The following CCNY variants were observed in gnomAD, a reference collection of about 807,000 sequenced individuals.
CCNY encodes the protein cyclin Y, also known as cyclin-Y.
CCNY carries 19 observed loss-of-function variants against 42.8 expected under a neutral mutation model. The ratio of observed to expected loss-of-function variants is 0.44; its 90% CI spans 0.31 to 0.65. CCNY has a LOEUF of 0.65. Among genes scored for constraint, CCNY ranks in the 30% least tolerant of loss-of-function variants. The pLI is 0.07. For missense variants in CCNY, 370 were observed against 437.3 expected, an observed-to-expected ratio of 0.85 and a Z score of 1.37; for synonymous variants, 165 against 162.7, an observed-to-expected ratio of 1.01 and a Z score of -0.11.
chr10:35,491,038 G>T (rs1344689978), intron 2 of CCNY, among the ~76,000 whole-genome samples: 5 of 152,172 alleles, frequency 3.3e-5, no homozygotes, highest in Non-Finnish European at 5.9e-5. Context: ...CTAGTTTGGG[G>T]TGTGTGGAGG....
At chr10:35,487,354 A>C (rs1297916049) in intron 2 of CCNY, among the ~76,000 whole-genome samples, 3 of 152,096 alleles carry the variant, frequency 2.0e-5, no homozygotes, top group Non-Finnish European at 4.4e-5. Flanking sequence ...GGAAGCCATG[A>C]TTGGGATGAG....
intron 1 of CCNY, among the ~76,000 whole-genome samples, chr10:35,381,537 GCCT>G (rs1483638621): frequency 6.7e-6 from 1 of 149,858 alleles, no homozygotes; most frequent in Non-Finnish European, 1.5e-5. Context: ...TTGCACTCCA[GCCT>G]GGGTGACAGA....
chr10:35,290,846 A>G (rs1252428835), intron 3 of CCNY, among the ~76,000 whole-genome samples: 2 of 152,142 alleles, frequency 1.3e-5, no homozygotes, highest in East Asian at 3.8e-4. Flanking sequence ...CAAAAACACA[A>G]GCAAAAAATA....
intron 1 of CCNY, among the ~76,000 whole-genome samples, chr10:35,474,841 A>G (rs1839471659): frequency 6.6e-6 from 1 of 152,252 alleles, no homozygotes; most frequent in African/African-American, 2.4e-5. Flanking sequence ...AGACGATCAA[A>G]ATACTCTGAG....
chr10:35,251,904 A>C (rs2095712303), intron 3 of CCNY, among the ~76,000 whole-genome samples: 1 of 152,078 alleles, frequency 6.6e-6, no homozygotes, highest in African/African-American at 2.4e-5. Flanking sequence ...CACAACTTTT[A>C]ATGACATTTT....
chr10:35,567,517 G>A (rs959312930), intron 9 of CCNY, among the ~76,000 whole-genome samples: 2 of 152,084 alleles, frequency 1.3e-5, no homozygotes, highest in African/African-American at 2.4e-5. Context: ...GAGTGTTTCC[G>A]AGTGGTGGAT....
At chr10:35,464,507 C>G (rs953490992) in intron 1 of CCNY, among the ~76,000 whole-genome samples, 3 of 152,012 alleles carry the variant, frequency 2.0e-5, no homozygotes, top group Non-Finnish European at 4.4e-5. Flanking sequence ...GACTCCTTCA[C>G]CAATTTTTTC....
At chr10:35,284,083 A>G (rs1835327744) in intron 3 of CCNY, among the ~76,000 whole-genome samples, 1 of 152,172 alleles carries the variant, frequency 6.6e-6, no homozygotes, top group African/African-American at 2.4e-5. Flanking sequence ...GACTGTCTCA[A>G]ATAAAATAAA....
At chr10:35,363,675 C>G (rs1018859186) in intron 1 of CCNY, among the ~76,000 whole-genome samples, 1 of 152,214 alleles carries the variant, frequency 6.6e-6, no homozygotes, top group Non-Finnish European at 1.5e-5. Context: ...GTTGTCACTC[C>G]GCCCCACGAC....
chr10:35,335,698 A>AACAC (rs372607794), upstream of CCNY, among the ~76,000 whole-genome samples: 117 of 151,076 alleles, frequency 7.7e-4, no homozygotes, highest in East Asian at 1.2e-3. Flanking sequence ...ACAAAAAGTT[A>AACAC]ACACACACAC....
chr10:35,300,746 G>T (rs1234246628), intron 3 of CCNY, among the ~76,000 whole-genome samples: 1 of 152,078 alleles, frequency 6.6e-6, no homozygotes, highest in African/African-American at 2.4e-5. Context: ...TGTTTGTTAA[G>T]ACTTCTAATG....
At chr10:35,401,232 G>A (rs1000550672) in intron 1 of CCNY, among the ~76,000 whole-genome samples, 2 of 152,248 alleles carry the variant, frequency 1.3e-5, no homozygotes, top group Non-Finnish European at 2.9e-5. Context: ...AGAATAGGGA[G>A]CTGAGAGGCA....
At chr10:35,564,021 C>A (rs188710270) in intron 8 of CCNY, among the ~76,000 whole-genome samples, 2 of 152,052 alleles carry the variant, frequency 1.3e-5, no homozygotes, top group East Asian at 3.9e-4. Flanking sequence ...GAATTATAGG[C>A]ATGTGCCACC....
At chr10:35,563,875 ATTTT>A (rs527639128) in intron 8 of CCNY, among the ~76,000 whole-genome samples, 1 of 118,512 alleles carries the variant, frequency 8.4e-6, no homozygotes, top group Non-Finnish European at 1.8e-5. Flanking sequence ...TGCCTGACTA[ATTTT>A]TTTTTTTTTT....
chr10:35,329,285 C>T lies in CCNY; in HGVS notation c.-9+78659C>T, dbSNP rs187722036. 4.3e-3 allele frequency among the ~76,000 whole-genome samples: 654 copies of T among 152,312 alleles called. 1 individual carries two copies. The highest frequency in any genetic ancestry group is 0.037 in the Middle Eastern group (11 of 294). On this transcript the variant is annotated intron_variant, in intron 3 of 11. Coordinates refer to the CCNY transcript ENST00000374706. ...GTTCATCCCCGGCCGGGTGCAGTGG[C>T]TCATGCCTGTAATCCCAGCACTTTG... is the stretch of plus-strand genomic sequence containing the variant.
At chr10:35,367,798 G>A (rs370640007) in intron 1 of CCNY, among the ~76,000 whole-genome samples, 1 of 152,186 alleles carries the variant, frequency 6.6e-6, no homozygotes, top group African/African-American at 2.4e-5. Context: ...ACCTGAAAAA[G>A]GCATGTCTGA....
intron 2 of CCNY, among the ~76,000 whole-genome samples, chr10:35,487,596 G>T (rs112539156): frequency 6.6e-6 from 1 of 152,052 alleles, no homozygotes; most frequent in African/African-American, 2.4e-5. Flanking sequence ...TTTCCTTCTG[G>T]ATATCCAAGA....
At chr10:35,536,362 C>T (rs891283663) in intron 7 of CCNY, among the ~76,000 whole-genome samples, 6 of 152,116 alleles carry the variant, frequency 3.9e-5, no homozygotes, top group African/African-American at 1.4e-4. Context: ...TCTTTATCAT[C>T]AGTGTGAAAA....
At chr10:35,308,963 C>T (rs931982329) in intron 3 of CCNY, among the ~76,000 whole-genome samples, 1 of 152,108 alleles carries the variant, frequency 6.6e-6, no homozygotes, top group South Asian at 2.1e-4. Flanking sequence ...TAGTGATCTT[C>T]AACCAGGCCA....
Sources: allele counts gnomAD v4.1 joint callset (sites outside exome capture counted in the v4.1 genomes callset), GRCh38; gene constraint gnomAD v4.1.1; transcripts MANE v1.5; gene names NCBI Gene and HGNC (gene_info 2026-07-23, HGNC 2026-07-21).